SLC8A3: variants seen among roughly 807,000 people sequenced by gnomAD.
SLC8A3 encodes solute carrier family 8 member A3, also known as sodium/calcium exchanger 3.
SLC8A3 carries 37 observed loss-of-function variants against 65.4 expected under a neutral mutation model. That is an observed-to-expected ratio of 0.57 (90% CI 0.44 to 0.74). The LOEUF (loss-of-function observed/expected upper bound fraction) is 0.74. Among genes scored for constraint, SLC8A3 ranks in the 30% least tolerant of loss-of-function variants. SLC8A3 has a pLI of 0.00. For synonymous variants in SLC8A3, 461 were observed against 444.5 expected, an observed-to-expected ratio of 1.04 and a Z score of -0.47; for missense variants, 1,112 against 1,172.1, an observed-to-expected ratio of 0.95 and a Z score of 0.75.
chr14:70,076,720 A>T lies in SLC8A3; in HGVS notation c.1785-15781T>A, dbSNP rs142396687. Among the ~76,000 whole-genome samples, 5 of 152,244 alleles carry T rather than the reference A, an allele frequency of 3.3e-5. No homozygotes were observed. The East Asian group carries it at 9.7e-4, about 29-fold the overall frequency. On this transcript the variant is annotated intron_variant, in intron 2 of 6. Coordinates refer to ENST00000356921, the MANE Select transcript of SLC8A3 (RefSeq NM_182932.3). ...ACCTCCTTTTCCTGGCCTTCAAAAC[A>T]TGCATGAAAATAGTCATCTTGGCTA...
chr14:70,120,893 G>A (rs1176858912), intron 2 of SLC8A3, among the ~76,000 whole-genome samples: 1 of 152,166 alleles, frequency 6.6e-6, no homozygotes, highest in African/African-American at 2.4e-5. Context: ...AGTCTAGAGA[G>A]GAGTCAGGCA....
At chr14:70,143,969 TGG>T (rs552621150) in intron 2 of SLC8A3, among the ~76,000 whole-genome samples, 117 of 152,198 alleles carry the variant, frequency 7.7e-4, no homozygotes, top group Non-Finnish European at 1.6e-3. Flanking sequence ...TTCCCTCTCG[TGG>T]GTTCCCACAA....
chr14:70,064,540 G>C (rs1889194158), intron 2 of SLC8A3, among the ~76,000 whole-genome samples: 1 of 151,912 alleles, frequency 6.6e-6, no homozygotes, highest in South Asian at 2.1e-4. Flanking sequence ...GGTTGGGTCG[G>C]GGGTGGTGGT....
In SLC8A3 at chr14:70,135,898, T is replaced by C. The variant is rs559536241; in HGVS notation, c.1784+30741A>G. ...GTATATTTCAAAATAGCTAGAAGAA[T>C]TATAATGTCCCCAATCAAAGAAATG... On this transcript the variant is annotated intron_variant, in intron 2 of 6. Transcript: ENST00000356921. Among the ~76,000 whole-genome samples, 34 of 152,256 alleles carry C rather than the reference T, an allele frequency of 2.2e-4. 1 individual carries two copies. The South Asian group carries it at 4.6e-3, about 20-fold the overall frequency.
chr14:70,140,022 TGC>T lies in SLC8A3; in HGVS notation c.1784+26615_1784+26616del, dbSNP rs1258322922. The stretch of plus-strand genomic sequence containing the variant: ...GCTGGTGCCAAAGTAATTGTGGTTT[TGC>T]CATGACTTTTAATGGTAAAAATTGC... On this transcript the variant is annotated intron_variant, in intron 2 of 6. Transcript: ENST00000356921. Among the ~76,000 whole-genome samples, 899 of 152,334 alleles carry T rather than the reference TGC, an allele frequency of 5.9e-3. 6 individuals are homozygous for T. The highest frequency in any genetic ancestry group is 0.021 in the African/African-American group (861 of 41,566).
intron 2 of SLC8A3, among the ~76,000 whole-genome samples, chr14:70,102,755 C>T (rs978373041): frequency 1.3e-5 from 2 of 151,776 alleles, no homozygotes; most frequent in Admixed American, 6.6e-5. Context: ...ATAAATTGTC[C>T]AATCTGAAGA....
At chr14:70,140,175 G>A (rs1895472168) in intron 2 of SLC8A3, among the ~76,000 whole-genome samples, 2 of 152,194 alleles carry the variant, frequency 1.3e-5, no homozygotes, top group South Asian at 4.1e-4. Flanking sequence ...TAAGGTATGA[G>A]CTGAAAGCAT....
chr14:70,083,991 T>A (rs1455367470), intron 2 of SLC8A3, among the ~76,000 whole-genome samples: 25 of 152,152 alleles, frequency 1.6e-4, no homozygotes. Flanking sequence ...GACCTATGTT[T>A]GAGTCATGAC....
chr14:70,108,049 C>T (rs887274189), intron 2 of SLC8A3, among the ~76,000 whole-genome samples: 3 of 151,380 alleles, frequency 2.0e-5, no homozygotes, highest in Non-Finnish European at 4.4e-5. Context: ...TCAGTGTAGG[C>T]TCTCCAATGG....
At chr14:70,068,422 A>G (rs1036447832) in intron 2 of SLC8A3, among the ~76,000 whole-genome samples, 1 of 152,174 alleles carries the variant, frequency 6.6e-6, no homozygotes, top group Non-Finnish European at 1.5e-5. Context: ...TCTGTCACCC[A>G]GGCCGGAGTG....
chr14:70,055,883 G>A (rs1343513715), intron 3 of SLC8A3: 10 of 1,411,452 alleles, frequency 7.1e-6, no homozygotes, highest in Non-Finnish European at 9.8e-6. Context: ...CATCTTGAAA[G>A]TATCACCAGG....
chr14:70,150,801 G>A (rs1211235081), intron 2 of SLC8A3, among the ~76,000 whole-genome samples: 1 of 152,142 alleles, frequency 6.6e-6, no homozygotes, highest in Non-Finnish European at 1.5e-5. Context: ...TGGAGAATAG[G>A]CCCTTTTTTG....
At chr14:70,149,829 A>C (rs749438731) in intron 2 of SLC8A3, among the ~76,000 whole-genome samples, 5 of 152,108 alleles carry the variant, frequency 3.3e-5, no homozygotes, top group Non-Finnish European at 2.9e-5. Flanking sequence ...TCTCCAAAAC[A>C]AGTCCATAAC....
chr14:70,070,292 T>C (rs914208912), intron 2 of SLC8A3, among the ~76,000 whole-genome samples: 3 of 152,218 alleles, frequency 2.0e-5, no homozygotes, highest in South Asian at 2.1e-4. Flanking sequence ...ACCTGTTAGA[T>C]AGGTAGAGGC....
intron 1 of SLC8A3, among the ~76,000 whole-genome samples, chr14:70,187,759 C>T (rs1883445496): frequency 6.6e-6 from 1 of 151,998 alleles, no homozygotes; most frequent in Non-Finnish European, 1.5e-5. Flanking sequence ...CTGGAGAAAC[C>T]CTCCTTCTCC....
At position 70,167,166 on chromosome 14, in the gene SLC8A3, C is replaced by T; in HGVS notation, c.1257G>A (p.Val419=). The T allele has an allele frequency of 1.2e-6, 2 of 1,614,136 alleles. No individual in the cohort carries two copies. Among genetic ancestry groups the T allele is most frequent in the South Asian group, 1.1e-5 (1 of 91,072 alleles). Residue 419 remains valine (V), a synonymous_variant, in exon 2 of 7, where the codon GTG becomes GTA. Coordinates refer to ENST00000356921, the MANE Select transcript of SLC8A3 (RefSeq NM_182932.3). ...TCTTTGACATGTCTCCCCCTTTCCT[C>T]ACCACTGTCAGGAGTACAGCCCCAC... ...ENCGAVLLTV[V]RKGGDMSKTM...
chr14:70,083,948 A>C (rs925889380), intron 2 of SLC8A3, among the ~76,000 whole-genome samples: 1 of 152,234 alleles, frequency 6.6e-6, no homozygotes, highest in African/African-American at 2.4e-5. Flanking sequence ...AACACAGAAG[A>C]GAAGTTAAGA....
At chr14:70,184,966 C>CTTTTTTTTTTTTT (rs11337843) in intron 1 of SLC8A3, among the ~76,000 whole-genome samples, 1 of 108,644 alleles carries the variant, frequency 9.2e-6, no homozygotes, top group Non-Finnish European at 2.0e-5. Context: ...TTTTTCTTTT[C>CTTTTTTTTTTTTT]TTTTTTTTTT....
intron 2 of SLC8A3, among the ~76,000 whole-genome samples, chr14:70,064,137 C>T (rs58640876): frequency 0.2 from 30,872 of 152,108 alleles, 3,287 homozygotes; most frequent in Non-Finnish European, 0.22. Context: ...TGCTTCATGG[C>T]ATGATCATAT....
Sources: allele counts gnomAD v4.1 joint callset (sites outside exome capture counted in the v4.1 genomes callset), GRCh38; gene constraint gnomAD v4.1.1; transcripts MANE v1.5; gene names NCBI Gene and HGNC (gene_info 2026-07-23, HGNC 2026-07-21).